The following CIROZ variants were observed in gnomAD, a reference collection of about 807,000 sequenced individuals.
CIROZ encodes ciliated left-right organizer protein containing ZP-N domains.
chr1:10,964,021 G>C, the CIROZ span: 7 of 1,386,514 alleles, frequency 5.0e-6, no homozygotes, highest in Non-Finnish European at 6.8e-6. Context: ...TGTCTCCCTG[G>C]GCCACGTCCT....
chr1:10,947,822 T>A, the CIROZ span: 1 of 1,599,678 alleles, frequency 6.3e-7, no homozygotes, highest in African/African-American at 1.3e-5. Flanking sequence ...CCAGGCTGGG[T>A]AGCAACACTC....
chr1:10,963,217 C>T, the CIROZ span, among the ~76,000 whole-genome samples: 2 of 151,988 alleles, frequency 1.3e-5, no homozygotes. Flanking sequence ...GGTGAAACTC[C>T]ATCTCTACTA....
At chr1:10,948,278 T>A in the CIROZ span, 3 of 1,613,768 alleles carry the variant, frequency 1.9e-6, no homozygotes, top group African/African-American at 2.7e-5. Flanking sequence ...CCACCTCCGT[T>A]CCAGAGCACG....
chr1:10,963,586 G>T, the CIROZ span, among the ~76,000 whole-genome samples: 5 of 152,102 alleles, frequency 3.3e-5, no homozygotes, highest in East Asian at 1.9e-4. Flanking sequence ...GCTGATGAGA[G>T]CTAGAGAGAA....
chr1:10,962,248 C>A, the CIROZ span, among the ~76,000 whole-genome samples: 10 of 152,204 alleles, frequency 6.6e-5, no homozygotes, highest in East Asian at 1.5e-3. Flanking sequence ...GAGTTCTAGA[C>A]CAGCCTGGCC....
chr1:10,958,183 G>A, the CIROZ span, among the ~76,000 whole-genome samples: 2 of 152,058 alleles, frequency 1.3e-5, no homozygotes, highest in Admixed American at 6.5e-5. Context: ...GGGAAGGGTC[G>A]CCAGCTCCCA....
chr1:10,949,514 G>T, the CIROZ span: 4 of 1,210,646 alleles, frequency 3.3e-6, no homozygotes, highest in Non-Finnish European at 4.7e-6. Context: ...CTCTTTGGAA[G>T]AATGGTGGTG....
the CIROZ span, chr1:10,947,714 A>G: frequency 6.5e-7 from 1 of 1,548,272 alleles, no homozygotes; most frequent in Non-Finnish European, 8.7e-7. Flanking sequence ...GAAGCTCAGG[A>G]GGCCTGTGGC....
chr1:10,982,053 C>T, the CIROZ span: 1 of 1,537,216 alleles, frequency 6.5e-7, no homozygotes, highest in African/African-American at 1.4e-5. Context: ...GGCCCAGCAG[C>T]TCTCTCCTGC....
At chr1:10,959,028 C>T in the CIROZ span, among the ~76,000 whole-genome samples, 1 of 152,222 alleles carries the variant, frequency 6.6e-6, no homozygotes, top group African/African-American at 2.4e-5. This position sits in a 1 kb window ranked among gnomAD's most constrained non-coding sequence, Gnocchi z 4.3. Context: ...AGGCCAAGAG[C>T]GGGTGTGCAT....
At chr1:10,954,137 G>C in the CIROZ span, 44 of 1,611,902 alleles carry the variant, frequency 2.7e-5, no homozygotes, top group Non-Finnish European at 3.4e-5. Flanking sequence ...CGACTTCTTG[G>C]CATCGCTGTG....
At chr1:10,954,463 AAAAAGAAAAGAAAAG>A in the CIROZ span, among the ~76,000 whole-genome samples, 2 of 141,588 alleles carry the variant, frequency 1.4e-5, no homozygotes, top group Non-Finnish European at 3.0e-5. Context: ...CAAAAAAAAA[AAAAAGAAAAGAAAAG>A]AAAAGAAAAG....
the CIROZ span, among the ~76,000 whole-genome samples, chr1:10,968,512 G>A: frequency 6.6e-6 from 1 of 152,246 alleles, no homozygotes; most frequent in Non-Finnish European, 1.5e-5. Context: ...GGCGGAGGAA[G>A]ACTGTGAAAG....
chr1:10,969,035 A>T, the CIROZ span, among the ~76,000 whole-genome samples: 1 of 152,136 alleles, frequency 6.6e-6, no homozygotes, highest in Non-Finnish European at 1.5e-5. Context: ...GTCTCTCCCA[A>T]GGCGTCCCGG....
At chr1:10,966,577 C>G in the CIROZ span, 1 of 1,330,022 alleles carries the variant, frequency 7.5e-7, no homozygotes, top group Non-Finnish European at 9.9e-7. Flanking sequence ...AGAAACTGCT[C>G]CGCCTGGAAG....
the CIROZ span, among the ~76,000 whole-genome samples, chr1:10,956,630 C>T: frequency 7.3e-4 from 111 of 152,158 alleles, no homozygotes; most frequent in Non-Finnish European, 1.4e-3. Context: ...CCCCCGCCAC[C>T]ACGCCCGGCT....
the CIROZ span, chr1:10,948,719 G>A: frequency 3.2e-6 from 5 of 1,565,192 alleles, no homozygotes; most frequent in South Asian, 6.0e-5. Context: ...GGTGTCCAGG[G>A]ATCCCTGCTT....
the CIROZ span, among the ~76,000 whole-genome samples, chr1:10,976,654 C>T: frequency 3.4e-5 from 5 of 148,798 alleles, no homozygotes; most frequent in East Asian, 5.9e-4. Flanking sequence ...CCCGCCCACT[C>T]GTTATATTTC....
the CIROZ span, chr1:10,956,895 A>C: frequency 1.3e-6 from 1 of 780,190 alleles, no homozygotes; most frequent in Non-Finnish European, 2.0e-6. Context: ...CGCATAGCCA[A>C]GGTTGGGACT....
Sources: gnomAD v4.1 joint callset for allele counts (sites outside exome capture counted in the v4.1 genomes callset) on GRCh38, gnomAD v4.1.1 for gene constraint, Gnocchi (gnomAD v3.1) non-coding constraint, MANE v1.5 for transcripts, NCBI Gene and HGNC (gene_info 2026-07-23, HGNC 2026-07-21) for gene names.